The following TRPV3 variants were observed in gnomAD, a reference collection of about 807,000 sequenced individuals.
The protein encoded by TRPV3 is transient receptor potential cation channel subfamily V member 3.
A neutral mutation model predicts 87.1 loss-of-function variants in TRPV3; 88 were observed. The ratio of observed to expected loss-of-function variants is 1.01; its 90% CI spans 0.85 to 1.21. The LOEUF is 1.21. Among genes scored for constraint, TRPV3 ranks in the 50% most tolerant of loss-of-function variants. TRPV3 has a pLI of 0.00. For missense variants in TRPV3, 1,054 were observed against 1,030.1 expected (o/e 1.02, Z -0.32); for synonymous variants, 438 against 423.3 (o/e 1.03, Z -0.43).
At chr17:3,526,086 T>C (rs1567634343) in intron 12 of TRPV3, among the ~76,000 whole-genome samples, 1 of 152,028 alleles carries the variant, frequency 6.6e-6, no homozygotes, top group Non-Finnish European at 1.5e-5. Flanking sequence ...CTAACCAAAG[T>C]CACAACACAG....
intron 13 of TRPV3, 30 bp from the exon 14 acceptor site, chr17:3,521,069 A>G (rs1423851801): frequency 6.6e-7 from 1 of 1,511,592 alleles, no homozygotes; most frequent in Non-Finnish European, 9.2e-7. Flanking sequence ...ATTCAAGTGT[A>G]AGGTGCAAGC....
At chr17:3,515,116 T>C (rs899889317) in intron 16 of TRPV3, among the ~76,000 whole-genome samples, 4 of 152,134 alleles carry the variant, frequency 2.6e-5, no homozygotes, top group Admixed American at 1.3e-4. Context: ...CAAGAGTGGG[T>C]GGCGTCTGAG....
chr17:3,537,879 G>T (rs1185086398), intron 6 of TRPV3, among the ~76,000 whole-genome samples: 1 of 101,790 alleles, frequency 9.8e-6, no homozygotes, highest in Non-Finnish European at 1.9e-5. Context: ...TAGAGAGCAA[G>T]ACTCTGTCTT....
At chr17:3,536,250 G>T (rs1221713683) in intron 6 of TRPV3, among the ~76,000 whole-genome samples, 1 of 149,578 alleles carries the variant, frequency 6.7e-6, no homozygotes, top group Non-Finnish European at 1.5e-5. Context: ...TCGGTGCATG[G>T]GTGTTTTCAG....
intron 13 of TRPV3, 34 bp downstream of exon 13, chr17:3,524,164 G>C (rs75084728): frequency 6.2e-7 from 1 of 1,607,104 alleles, no homozygotes; most frequent in Non-Finnish European, 8.5e-7. Context: ...GCCATCCTCC[G>C]AGGGCCCTCC....
rs115581753 is a variant in TRPV3, at chr17:3,551,004, C to T, written c.119+3728G>A. On this transcript the variant is annotated intron_variant, in intron 2 of 17. Coordinates refer to ENST00000576742, the MANE Select transcript of TRPV3 (RefSeq NM_145068.4). The stretch of plus-strand genomic sequence containing the variant: ...TGTCAACCTCTTCAGAGAGGGGCTG[C>T]GCTATGGGAGCTCAGAGGAAGAGAA... Among the ~76,000 whole-genome samples the T allele has an allele frequency of 9.2e-4, 140 of 152,252 alleles. No individual in the cohort carries two copies. In the Middle Eastern group the frequency reaches 0.02, roughly 22 times the overall value.
intron 4 of TRPV3, 98 bp from the exon 5 acceptor site, chr17:3,543,726 C>T (rs927929444): frequency 1.2e-5 from 18 of 1,495,864 alleles, no homozygotes; most frequent in Admixed American, 5.4e-5. Context: ...CTGCAGCTGC[C>T]GCCAACATCT....
chr17:3,524,128 A>C (rs2074272155), intron 13 of TRPV3, 70 bp downstream of exon 13: 1 of 1,575,438 alleles, frequency 6.3e-7, no homozygotes, highest in East Asian at 2.2e-5. Flanking sequence ...TCCTCTCCAG[A>C]TCTCAGTTTC....
At chr17:3,523,143 T>C (rs1022860576) in intron 13 of TRPV3, among the ~76,000 whole-genome samples, 4 of 152,222 alleles carry the variant, frequency 2.6e-5, no homozygotes, top group African/African-American at 7.2e-5. Flanking sequence ...GGAGAAACTA[T>C]TAATCCAGTT....
chr17:3,525,240 G>C (rs538766508), intron 12 of TRPV3, among the ~76,000 whole-genome samples: 1 of 152,126 alleles, frequency 6.6e-6, no homozygotes, highest in Non-Finnish European at 1.5e-5. Flanking sequence ...GGCTGGTCTC[G>C]AACTTCTGAC....
At chr17:3,522,541 T>C (rs1484934891) in intron 13 of TRPV3, among the ~76,000 whole-genome samples, 1 of 152,122 alleles carries the variant, frequency 6.6e-6, no homozygotes, top group African/African-American at 2.4e-5. Context: ...AGTCTTAGAA[T>C]AATTTGTTGA....
intron 12 of TRPV3, 59 bp from the exon 13 acceptor site, chr17:3,524,422 T>G: frequency 6.3e-7 from 1 of 1,595,380 alleles, no homozygotes; most frequent in Non-Finnish European, 8.5e-7. Flanking sequence ...AGGGCAAAGA[T>G]ATGCAAATCC....
intron 8 of TRPV3, 52 bp downstream of exon 8, chr17:3,532,605 C>G (rs1339974218): frequency 5.6e-6 from 9 of 1,594,386 alleles, no homozygotes; most frequent in African/African-American, 1.3e-5. Flanking sequence ...AGGGTGGCAG[C>G]TGTACCTCCT....
intron 8 of TRPV3, among the ~76,000 whole-genome samples, chr17:3,532,237 C>T (rs182441648): frequency 3.3e-5 from 5 of 152,374 alleles, no homozygotes; most frequent in African/African-American, 4.8e-5. Context: ...CACAAACAGG[C>T]TGGGGTCTCC....
At chr17:3,519,345 T>TGGAG (rs2074211474) in intron 14 of TRPV3, among the ~76,000 whole-genome samples, 1 of 151,140 alleles carries the variant, frequency 6.6e-6, no homozygotes, top group Non-Finnish European at 1.5e-5. Context: ...GATGGATGGA[T>TGGAG]GGATGGATGG....
chr17:3,548,395 A>G (rs2150805582), intron 2 of TRPV3, among the ~76,000 whole-genome samples: 1 of 152,350 alleles, frequency 6.6e-6, no homozygotes, highest in Admixed American at 6.5e-5. Flanking sequence ...ATCCAGGCTC[A>G]TAGTCCACAC....
At chr17:3,514,793 AG>A in intron 16 of TRPV3, 121 bp from the exon 17 acceptor site, 1 of 763,872 alleles carries the variant, frequency 1.3e-6, no homozygotes, top group South Asian at 1.6e-5. Context: ...CCTAGAGATC[AG>A]GAGCACCCCT....
At chr17:3,520,062 G>C (rs2074233349) in intron 14 of TRPV3, among the ~76,000 whole-genome samples, 1 of 152,014 alleles carries the variant, frequency 6.6e-6, no homozygotes, top group Admixed American at 6.6e-5. Flanking sequence ...TAAATAGATG[G>C]ATGAATAAAC....
chr17:3,541,444 T>C (rs322940), intron 6 of TRPV3, among the ~76,000 whole-genome samples: 69,607 of 151,968 alleles, frequency 0.46, 18,074 homozygotes, highest in East Asian at 0.68. Flanking sequence ...TATAATTGAG[T>C]CAATCGCTTT....
Sources: allele counts gnomAD v4.1 joint callset (sites outside exome capture counted in the v4.1 genomes callset), GRCh38; gene constraint gnomAD v4.1.1; transcripts MANE v1.5; gene names NCBI Gene and HGNC (gene_info 2026-07-23, HGNC 2026-07-21).